The following MACROD2 variants were observed in gnomAD, a reference collection of about 807,000 sequenced individuals.
MACROD2 encodes the protein mono-ADP ribosylhydrolase 2.
Under a neutral mutation model 70.4 loss-of-function variants are expected in MACROD2, and 36 were observed. That is an observed-to-expected ratio of 0.51 (90% CI 0.39 to 0.68). The LOEUF (loss-of-function observed/expected upper bound fraction) is 0.68. MACROD2 is among the 30% of genes least tolerant of loss of function. The probability of loss-of-function intolerance (pLI) is 0.00; values close to 1 mark genes in which losing one functional copy is unlikely to be tolerated. For synonymous variants in MACROD2, 172 were observed against 178.8 expected (o/e 0.96, Z 0.30); for missense variants, 496 against 538.4 (o/e 0.92, Z 0.78).
At chr20:14,817,736 G>A (rs2072789852) in intron 5 of MACROD2, among the ~76,000 whole-genome samples, 2 of 152,100 alleles carry the variant, frequency 1.3e-5, no homozygotes, top group Non-Finnish European at 1.5e-5. Context: ...CCTTGGAAAT[G>A]GTTTAAAACC....
At chr20:14,930,161 C>CAAACAAAAAAAA in intron 5 of MACROD2, among the ~76,000 whole-genome samples, 1 of 106,454 alleles carries the variant, frequency 9.4e-6, no homozygotes, top group Admixed American at 1.1e-4. Flanking sequence ...GACTCCGTCT[C>CAAACAAAAAAAA]AAAAAAAAAA....
At chr20:14,478,015 GT>G (rs1263735299) in intron 3 of MACROD2, among the ~76,000 whole-genome samples, 1 of 152,142 alleles carries the variant, frequency 6.6e-6, no homozygotes, top group Non-Finnish European at 1.5e-5. Flanking sequence ...TGGTTGAAGG[GT>G]AGGTACCCTA....
chr20:14,007,267 C>T (rs1170658256), intron 2 of MACROD2, among the ~76,000 whole-genome samples: 1 of 152,116 alleles, frequency 6.6e-6, no homozygotes, highest in East Asian at 1.9e-4. Flanking sequence ...CCATATTTCC[C>T]TTATTTACTG....
intron 8 of MACROD2, among the ~76,000 whole-genome samples, chr20:15,796,784 T>A (rs2063677773): frequency 6.6e-6 from 1 of 152,198 alleles, no homozygotes; most frequent in East Asian, 1.9e-4. Flanking sequence ...TAACAGTGAA[T>A]TGACACGATT....
intron 8 of MACROD2, among the ~76,000 whole-genome samples, chr20:15,653,767 A>T (rs1271910559): frequency 6.6e-6 from 1 of 152,134 alleles, no homozygotes; most frequent in Non-Finnish European, 1.5e-5. Flanking sequence ...GAACCCACAA[A>T]CAAGACATCC....
intron 12 of MACROD2, among the ~76,000 whole-genome samples, chr20:15,947,985 C>T (rs951974904): frequency 6.6e-6 from 1 of 151,892 alleles, no homozygotes. Context: ...CTGCATGACC[C>T]CTACTATGCC....
intron 3 of MACROD2, among the ~76,000 whole-genome samples, chr20:14,220,957 G>A (rs1314641534): frequency 2.0e-5 from 3 of 152,202 alleles, no homozygotes; most frequent in Non-Finnish European, 2.9e-5. Flanking sequence ...TTTTGCAGTC[G>A]ATCTGATGCT....
intron 5 of MACROD2, among the ~76,000 whole-genome samples, chr20:14,883,938 T>TG (rs35303977): frequency 0.16 from 24,244 of 152,250 alleles, 2,497 homozygotes; most frequent in Non-Finnish European, 0.22. Flanking sequence ...AATTTGGGAT[T>TG]GGATTCCCTC....
At chr20:14,274,188 G>A (rs553526637) in intron 3 of MACROD2, among the ~76,000 whole-genome samples, 7 of 151,876 alleles carry the variant, frequency 4.6e-5, no homozygotes, top group Non-Finnish European at 2.9e-5. Flanking sequence ...CAGAGACATA[G>A]CCAAAAAAGA....
chr20:14,823,602 T>C (rs2072871065), intron 5 of MACROD2, among the ~76,000 whole-genome samples: 1 of 151,968 alleles, frequency 6.6e-6, no homozygotes, highest in Non-Finnish European at 1.5e-5. Flanking sequence ...ACCAAGAGAG[T>C]TGTCCTCTTC....
chr20:15,894,711 AGTGATGGC>A (rs2147227837), intron 10 of MACROD2, among the ~76,000 whole-genome samples: 1 of 152,386 alleles, frequency 6.6e-6, no homozygotes, highest in African/African-American at 2.4e-5. Flanking sequence ...GCCTTCTGTC[AGTGATGGC>A]TGTTGTTATC....
At chr20:14,162,890 AT>A (rs1262481970) in intron 3 of MACROD2, among the ~76,000 whole-genome samples, 1 of 152,038 alleles carries the variant, frequency 6.6e-6, no homozygotes, top group Non-Finnish European at 1.5e-5. Context: ...CTATTGATAT[AT>A]GAGGCCTTAT....
At chr20:14,555,767 A>T (rs1673094062) in intron 4 of MACROD2, among the ~76,000 whole-genome samples, 1 of 152,036 alleles carries the variant, frequency 6.6e-6, no homozygotes, top group South Asian at 2.1e-4. Context: ...TCTAGCTTAT[A>T]CATGACTGTA....
rs113488748 is a variant in MACROD2, at chr20:15,370,200, T to C, written c.541-61205T>C. Among the ~76,000 whole-genome samples, 299 of 152,270 alleles carry C rather than the reference T, an allele frequency of 2.0e-3. 1 individual carries two copies. Among genetic ancestry groups the C allele is most frequent in the Middle Eastern group, 6.8e-3 (2 of 294 alleles). On this transcript the variant is annotated intron_variant, in intron 6 of 17. Coordinates refer to ENST00000684519, the MANE Select transcript of MACROD2 (RefSeq NM_001351661.2). ...CACTGTGATTATCTGAAGTCATTCA[T>C]TGGCTTAAAATTTTGTTCATCCTTC... is the stretch of plus-strand genomic sequence containing the variant.
At chr20:15,122,381 G>A (rs2076037010) in intron 5 of MACROD2, among the ~76,000 whole-genome samples, 1 of 152,138 alleles carries the variant, frequency 6.6e-6, no homozygotes, top group Admixed American at 6.6e-5. Flanking sequence ...TTCCTCTGCT[G>A]CATTACAAGG....
At chr20:15,082,170 A>C (rs1396227167) in intron 5 of MACROD2, among the ~76,000 whole-genome samples, 1 of 152,202 alleles carries the variant, frequency 6.6e-6, no homozygotes, top group Non-Finnish European at 1.5e-5. Context: ...TATCTGCTAC[A>C]AGTCCTTACT....
chr20:14,831,844 C>T (rs927528392), intron 5 of MACROD2, among the ~76,000 whole-genome samples: 1 of 146,490 alleles, frequency 6.8e-6, no homozygotes, highest in Non-Finnish European at 1.5e-5. Context: ...GTTGTCCTGC[C>T]GAGTTGTTGT....
chr20:14,148,829 T>C (rs1455318698), intron 3 of MACROD2, among the ~76,000 whole-genome samples: 2 of 152,222 alleles, frequency 1.3e-5, no homozygotes, highest in East Asian at 3.8e-4. Context: ...TCTGGATTCT[T>C]TGTTCAGGGT....
chr20:15,007,367 A>G (rs2075046826), intron 5 of MACROD2, among the ~76,000 whole-genome samples: 1 of 150,432 alleles, frequency 6.6e-6, no homozygotes, highest in African/African-American at 2.5e-5. Flanking sequence ...CCATCTCAAA[A>G]ACAAAAACAA....
Sources: allele counts gnomAD v4.1 joint callset (sites outside exome capture counted in the v4.1 genomes callset), GRCh38; gene constraint gnomAD v4.1.1; transcripts MANE v1.5; gene names NCBI Gene and HGNC (gene_info 2026-07-23, HGNC 2026-07-21).